ARHGEF28: variants seen among roughly 807,000 people sequenced by gnomAD.
The protein encoded by ARHGEF28 is Rho guanine nucleotide exchange factor 28.
ARHGEF28 carries 152 observed loss-of-function variants against 206.6 expected under a neutral mutation model. The observed-to-expected ratio is 0.74, with a 90% confidence interval of 0.64 to 0.84. The LOEUF (loss-of-function observed/expected upper bound fraction) is 0.84, where lower values mean the gene tolerates loss of function less well. Ranked by LOEUF, ARHGEF28 falls within the 40% of genes least tolerant of loss-of-function variation. The pLI is 0.00. For synonymous variants in ARHGEF28, 763 were observed against 776.4 expected (o/e 0.98, Z 0.29); for missense variants, 2,028 against 2,073.2 (o/e 0.98, Z 0.42).
chr5:73,786,881 C>A (rs994576811), intron 7 of ARHGEF28, among the ~76,000 whole-genome samples: 1 of 152,176 alleles, frequency 6.6e-6, no homozygotes. Context: ...CCCAGCCATT[C>A]GTGTCGTGGT....
At chr5:73,843,444 C>T (rs1446520516) in intron 11 of ARHGEF28, among the ~76,000 whole-genome samples, 1 of 152,136 alleles carries the variant, frequency 6.6e-6, no homozygotes, top group African/African-American at 2.4e-5. Flanking sequence ...CCTGGAAAGC[C>T]CTGGGGTGGC....
intron 4 of ARHGEF28, among the ~76,000 whole-genome samples, chr5:73,754,027 ATGT>A (rs1752170440): frequency 6.6e-6 from 1 of 152,174 alleles, no homozygotes; most frequent in Non-Finnish European, 1.5e-5. Flanking sequence ...AAATACACAA[ATGT>A]TGTTTTGTAA....
rs1760005783 is a variant in ARHGEF28 at position 73,870,158 on chromosome 5, T to C, written c.2515T>C (p.Phe839Leu). The C allele has an allele frequency of 5.6e-6, 9 of 1,613,824 alleles. No individual in the cohort carries two copies. Among genetic ancestry groups the C allele is most frequent in the Non-Finnish European group, 7.6e-6 (9 of 1,179,878 alleles). Residue 839 changes from phenylalanine to leucine, a missense_variant, in exon 21 of 36, where the codon TTT becomes CTT. By Grantham distance (22) the Phe-to-Leu change is conservative. This residue lies in a region of ARHGEF28 where 1,002 missense variants were observed against 1,015.3 expected (regional missense o/e 0.99). Coordinates refer to ENST00000513042, the MANE Select transcript of ARHGEF28 (RefSeq NM_001177693.2). ...ESWSLVVDPSFCNRQEKDVIK... is the reference protein window; with the variant it reads ...ESWSLVVDPSLCNRQEKDVIK... ...TTGGAGTCTTGTGGTGGATCCCTCA[T>C]TTTGTAATAGGCAGGAGAAGGATGT...
intron 1 of ARHGEF28, among the ~76,000 whole-genome samples, chr5:73,668,346 G>A (rs1178039576): frequency 6.6e-6 from 1 of 152,204 alleles, no homozygotes; most frequent in East Asian, 1.9e-4. Flanking sequence ...TGTAGGCTGG[G>A]AAGTCCAAGA....
intron 1 of ARHGEF28, among the ~76,000 whole-genome samples, chr5:73,665,078 C>T (rs1745862647): frequency 6.6e-6 from 1 of 152,156 alleles, no homozygotes; most frequent in Non-Finnish European, 1.5e-5. Flanking sequence ...CACTCAGCCT[C>T]TCAGTGTCCT....
intron 2 of ARHGEF28, among the ~76,000 whole-genome samples, chr5:73,739,938 T>TG (rs906927034): frequency 3.5e-5 from 5 of 143,540 alleles, no homozygotes; most frequent in Non-Finnish European, 6.1e-5. Flanking sequence ...GAGGTTGAGG[T>TG]GGGGGGGTCA....
chr5:73,940,796 G>T (rs940940722), intron 35 of ARHGEF28, 48 bp from the exon 36 acceptor site: 1 of 1,383,478 alleles, frequency 7.2e-7, no homozygotes, highest in Admixed American at 3.3e-5. Flanking sequence ...CATCTGCCTT[G>T]TACATCTCAG....
intron 2 of ARHGEF28, among the ~76,000 whole-genome samples, chr5:73,693,644 CA>C (rs572604085): frequency 6.6e-6 from 1 of 152,178 alleles, no homozygotes; most frequent in Non-Finnish European, 1.5e-5. Context: ...TTACTTTGTG[CA>C]AATTTGTTTT....
chr5:73,698,990 A>T (rs1390928412), intron 2 of ARHGEF28, among the ~76,000 whole-genome samples: 1 of 152,024 alleles, frequency 6.6e-6, no homozygotes, highest in Non-Finnish European at 1.5e-5. Flanking sequence ...TTCAGCCTCT[A>T]CCTGCATCAC....
chr5:73,742,606 T>C (rs6892347), intron 2 of ARHGEF28, among the ~76,000 whole-genome samples: 48,127 of 150,384 alleles, frequency 0.32, 8,093 homozygotes, highest in African/African-American at 0.42. Flanking sequence ...GGGTGGATCA[T>C]GAGGTCAGGA....
chr5:73,766,239 G>A (rs908866881), intron 4 of ARHGEF28, among the ~76,000 whole-genome samples: 8 of 152,012 alleles, frequency 5.3e-5, no homozygotes, highest in Admixed American at 2.0e-4. Flanking sequence ...CTCCACTCAG[G>A]TGTTGTGAAA....
chr5:73,684,309 A>T (rs1394161419), intron 1 of ARHGEF28, among the ~76,000 whole-genome samples: 1 of 152,202 alleles, frequency 6.6e-6, no homozygotes, highest in Non-Finnish European at 1.5e-5. Context: ...TACCTCATAT[A>T]AGTAGAATCA....
chr5:73,795,336 C>G lies in ARHGEF28; in HGVS notation c.969C>G (p.Val323=). ...SAAEKEDIKR[V]KSLVVQHNEH... The stretch of plus-strand genomic sequence containing the variant: ...CCTGACTTTATCTCTTCCAGCGTGT[C>G]AAAAGCCTGGTGGTTCAACACAATG... The change falls in exon 9 of 36, where the codon GTC becomes GTG. Residue 323 remains valine (V), a synonymous_variant. Coordinates refer to ENST00000513042, the MANE Select transcript of ARHGEF28 (RefSeq NM_001177693.2). The G allele has an allele frequency of 6.2e-7, 1 of 1,613,608 alleles. No individual in the cohort carries two copies. The highest frequency in any genetic ancestry group is 2.2e-5 in the East Asian group (1 of 44,852).
At chr5:73,910,867 T>C (rs1475264092) in intron 34 of ARHGEF28, among the ~76,000 whole-genome samples, 1 of 152,252 alleles carries the variant, frequency 6.6e-6, no homozygotes, top group Non-Finnish European at 1.5e-5. Context: ...GTTGTAGAAG[T>C]TGATAAGCTT....
intron 1 of ARHGEF28, among the ~76,000 whole-genome samples, chr5:73,642,857 C>A (rs1206751497): frequency 6.6e-6 from 1 of 152,158 alleles, no homozygotes; most frequent in Non-Finnish European, 1.5e-5. Flanking sequence ...GAAAAAAAAT[C>A]TGTTGGTTTA....
chr5:73,673,620 CT>C (rs1158362983), intron 1 of ARHGEF28, among the ~76,000 whole-genome samples: 3 of 152,066 alleles, frequency 2.0e-5, no homozygotes, highest in Non-Finnish European at 4.4e-5. Context: ...TTTAGAGATT[CT>C]GAGTGATTTC....
intron 34 of ARHGEF28, 127 bp downstream of exon 34, chr5:73,910,024 A>T: frequency 6.0e-6 from 8 of 1,327,648 alleles, no homozygotes; most frequent in Non-Finnish European, 7.8e-6. Context: ...AGGATTTTTC[A>T]ATTTGTAGGT....
At chr5:73,794,579 T>A (rs2112485833) in intron 8 of ARHGEF28, 125 bp downstream of exon 8, 1 of 783,566 alleles carries the variant, frequency 1.3e-6, no homozygotes, top group Non-Finnish European at 2.0e-6. Flanking sequence ...ACTTTCAGAA[T>A]AATGTGAAAT....
intron 11 of ARHGEF28, among the ~76,000 whole-genome samples, chr5:73,846,007 AAAAGAAAG>A (rs1310500522): frequency 7.2e-6 from 1 of 138,800 alleles, no homozygotes; most frequent in Non-Finnish European, 1.5e-5. Flanking sequence ...AAAAAAAAAA[AAAAGAAAG>A]AAAGAAAGAA....
Sources: allele counts gnomAD v4.1 joint callset (sites outside exome capture counted in the v4.1 genomes callset), GRCh38; gene constraint gnomAD v4.1.1; regional missense constraint gnomAD v4.1.1; transcripts MANE v1.5; gene names NCBI Gene and HGNC (gene_info 2026-07-23, HGNC 2026-07-21).